The following SLC25A13 variants were observed in gnomAD, a reference collection of about 807,000 sequenced individuals.
SLC25A13 encodes the protein electrogenic aspartate/glutamate antiporter SLC25A13, mitochondrial.
Under a neutral mutation model 85.5 loss-of-function variants are expected in SLC25A13, and 70 were observed. That is an observed-to-expected ratio of 0.82 (90% CI 0.68 to 1.00). The LOEUF (loss-of-function observed/expected upper bound fraction) is 1.00, where lower values mean the gene tolerates loss of function less well. Ranked by LOEUF, SLC25A13 falls within the 50% of genes least tolerant of loss-of-function variation. SLC25A13 has a pLI of 0.00. For synonymous variants in SLC25A13, 259 were observed against 288.7 expected, an observed-to-expected ratio of 0.90 and a Z score of 1.04; for missense variants, 765 against 819.8, an observed-to-expected ratio of 0.93 and a Z score of 0.82.
At chr7:96,196,264 G>C (rs1169723435) in intron 5 of SLC25A13, among the ~76,000 whole-genome samples, 1 of 152,172 alleles carries the variant, frequency 6.6e-6, no homozygotes, top group Non-Finnish European at 1.5e-5. Flanking sequence ...TGAATTACCA[G>C]ACCCATTGCT....
chr7:96,149,645 T>C (rs1163130575), intron 13 of SLC25A13, among the ~76,000 whole-genome samples: 4 of 152,158 alleles, frequency 2.6e-5, no homozygotes, highest in Non-Finnish European at 4.4e-5. Flanking sequence ...AAGTGGCACA[T>C]TGTAAAGGTG....
At chr7:96,283,152 A>C (rs1489935182) in intron 2 of SLC25A13, among the ~76,000 whole-genome samples, 2 of 152,234 alleles carry the variant, frequency 1.3e-5, no homozygotes, top group African/African-American at 4.8e-5. Flanking sequence ...AGCTATATGC[A>C]AAAATGTAGG....
chr7:96,155,625 G>A (rs1200713324), intron 13 of SLC25A13, among the ~76,000 whole-genome samples: 1 of 152,148 alleles, frequency 6.6e-6, no homozygotes, highest in Non-Finnish European at 1.5e-5. Context: ...GTCATCTTGA[G>A]ACACTTTTCA....
chr7:96,122,720 G>GAAC (rs948188018), intron 15 of SLC25A13, among the ~76,000 whole-genome samples: 244 of 152,158 alleles, frequency 1.6e-3, no homozygotes, highest in African/African-American at 5.4e-3. Context: ...AATGAAAAAG[G>GAAC]AACAACAACA....
intron 1 of SLC25A13, among the ~76,000 whole-genome samples, chr7:96,307,502 C>T (rs1156929102): frequency 6.6e-6 from 1 of 151,152 alleles, no homozygotes; most frequent in Non-Finnish European, 1.5e-5. Context: ...CCGCAGTGAG[C>T]CATAATCGCG....
intron 3 of SLC25A13, among the ~76,000 whole-genome samples, chr7:96,252,966 C>A (rs1279486841): frequency 6.6e-6 from 1 of 152,116 alleles, no homozygotes; most frequent in East Asian, 1.9e-4. Flanking sequence ...TGGTGCCATG[C>A]TCCTGTTATT....
chr7:96,123,126 A>G (rs1176948500), intron 15 of SLC25A13, among the ~76,000 whole-genome samples: 1 of 152,150 alleles, frequency 6.6e-6, no homozygotes, highest in African/African-American at 2.4e-5. Context: ...CTCCTCAAAC[A>G]TTAATCTCAA....
intron 6 of SLC25A13, among the ~76,000 whole-genome samples, chr7:96,192,335 C>G (rs1295775992): frequency 6.6e-6 from 1 of 152,162 alleles, no homozygotes; most frequent in East Asian, 1.9e-4. Context: ...CAAAATCACC[C>G]AGAAGCTTTA....
intron 13 of SLC25A13, among the ~76,000 whole-genome samples, chr7:96,163,119 G>A (rs1030337616): frequency 2.0e-5 from 3 of 152,180 alleles, no homozygotes; most frequent in Non-Finnish European, 4.4e-5. Context: ...CTATTACGAT[G>A]TAGGGTCTAA....
At chr7:96,126,991 A>T (rs1791755650) in intron 15 of SLC25A13, among the ~76,000 whole-genome samples, 2 of 152,346 alleles carry the variant, frequency 1.3e-5, no homozygotes, top group East Asian at 3.9e-4. Context: ...ATGATCACAC[A>T]TGTATAACAC....
At chr7:96,210,068 C>A (rs1383629190) in intron 4 of SLC25A13, among the ~76,000 whole-genome samples, 1 of 152,118 alleles carries the variant, frequency 6.6e-6, no homozygotes, top group East Asian at 1.9e-4. Flanking sequence ...GCTCCCACCC[C>A]CATTATACCC....
intron 13 of SLC25A13, among the ~76,000 whole-genome samples, chr7:96,162,057 T>A (rs1307969967): frequency 6.6e-6 from 1 of 152,222 alleles, no homozygotes; most frequent in Non-Finnish European, 1.5e-5. Context: ...CATCATCTTA[T>A]ATTTATAAGT....
chr7:96,269,463 C>A (rs1309616395), intron 3 of SLC25A13, among the ~76,000 whole-genome samples: 1 of 152,228 alleles, frequency 6.6e-6, no homozygotes, highest in Admixed American at 6.5e-5. Context: ...TGGAAAATGT[C>A]TGGATCAAGC....
chr7:96,204,569 GA>G (rs1562840934), intron 5 of SLC25A13, among the ~76,000 whole-genome samples: 1 of 151,742 alleles, frequency 6.6e-6, no homozygotes, highest in South Asian at 2.1e-4. Flanking sequence ...AAAGAAAAAG[GA>G]AAAAAAAATT....
chr7:96,215,506 C>G (rs1417920645), intron 4 of SLC25A13, among the ~76,000 whole-genome samples: 1 of 151,548 alleles, frequency 6.6e-6, no homozygotes, highest in Admixed American at 6.6e-5. Context: ...AAAAATTAAC[C>G]CTCACATTTA....
intron 14 of SLC25A13, among the ~76,000 whole-genome samples, chr7:96,140,233 C>T (rs1292071479): frequency 2.0e-5 from 3 of 151,620 alleles, no homozygotes. Context: ...GCTGGGATTA[C>T]AGGCGTGAGC....
intron 4 of SLC25A13, chr7:96,219,664 A>C (rs1449877568): frequency 3.7e-6 from 2 of 534,396 alleles, no homozygotes; most frequent in Non-Finnish European, 7.7e-6. Flanking sequence ...AAAATTATGA[A>C]TCAGTAGATT....
At chr7:96,177,368 T>A (rs1206780376) in intron 11 of SLC25A13, among the ~76,000 whole-genome samples, 2 of 152,152 alleles carry the variant, frequency 1.3e-5, no homozygotes, top group Non-Finnish European at 2.9e-5. Flanking sequence ...AATATTATAG[T>A]TAAAAACTTA....
intron 5 of SLC25A13, among the ~76,000 whole-genome samples, chr7:96,203,331 C>A (rs73710222): frequency 6.6e-6 from 1 of 152,048 alleles, no homozygotes; most frequent in Non-Finnish European, 1.5e-5. Flanking sequence ...GAGGGGAGGT[C>A]GGTGGAGAGG....
Sources: allele counts gnomAD v4.1 joint callset (sites outside exome capture counted in the v4.1 genomes callset), GRCh38; gene constraint gnomAD v4.1.1; transcripts MANE v1.5; gene names NCBI Gene and HGNC (gene_info 2026-07-23, HGNC 2026-07-21).